Variants in SNX25 observed in about 807,000 individuals in gnomAD.
The protein encoded by SNX25 is sorting nexin 25.
SNX25 carries 62 observed loss-of-function variants against 113.7 expected under a neutral mutation model. That is an observed-to-expected ratio of 0.55 (90% CI 0.44 to 0.67). The LOEUF is 0.67. Among genes scored for constraint, SNX25 ranks in the 30% least tolerant of loss-of-function variants. SNX25 has a pLI of 0.00. For synonymous variants in SNX25, 421 were observed against 436.2 expected, an observed-to-expected ratio of 0.97 and a Z score of 0.43; for missense variants, 1,014 against 1,161.0, an observed-to-expected ratio of 0.87 and a Z score of 1.84.
intron 1 of SNX25, among the ~76,000 whole-genome samples, chr4:185,213,836 T>G (rs919307148): frequency 6.6e-6 from 1 of 152,238 alleles, no homozygotes; most frequent in African/African-American, 2.4e-5. Flanking sequence ...TTCTTACGTT[T>G]TGATGGTAAG....
intron 13 of SNX25, among the ~76,000 whole-genome samples, chr4:185,350,465 C>T (rs536924406): frequency 6.6e-6 from 1 of 152,192 alleles, no homozygotes; most frequent in Admixed American, 6.5e-5. Context: ...TACCATAGCA[C>T]TTGTACATAG....
intron 6 of SNX25, among the ~76,000 whole-genome samples, chr4:185,304,930 C>T (rs6846331): frequency 8.5e-5 from 13 of 152,126 alleles, no homozygotes; most frequent in African/African-American, 2.9e-4. Context: ...ACGAGAAGAC[C>T]TGAGCATCCT....
chr4:185,223,303 T>G (rs945283769), intron 1 of SNX25, among the ~76,000 whole-genome samples: 3 of 152,236 alleles, frequency 2.0e-5, no homozygotes, highest in Non-Finnish European at 4.4e-5. Flanking sequence ...ATCCTTTTAT[T>G]TTCTTCAGCT....
At chr4:185,319,077 CTTTATTTTATTTTA>C (rs1248719192) in intron 7 of SNX25, among the ~76,000 whole-genome samples, 2 of 137,928 alleles carry the variant, frequency 1.5e-5, no homozygotes, top group Non-Finnish European at 3.0e-5. Flanking sequence ...CACTTTTCCC[CTTTATTTTATTTTA>C]TTTTTTTTAT....
chr4:185,248,379 T>C (rs930158097), intron 2 of SNX25, among the ~76,000 whole-genome samples: 9 of 152,200 alleles, frequency 5.9e-5, no homozygotes, highest in African/African-American at 2.2e-4. Context: ...CAGGATTGGC[T>C]GGATGTGGTG....
intron 15 of SNX25, among the ~76,000 whole-genome samples, chr4:185,356,326 C>T (rs1225053225): frequency 6.6e-6 from 1 of 152,106 alleles, no homozygotes; most frequent in Non-Finnish European, 1.5e-5. Context: ...ACCCCTTGGT[C>T]GTCAGGCACT....
intron 1 of SNX25, among the ~76,000 whole-genome samples, chr4:185,221,156 C>T (rs958272098): frequency 6.6e-6 from 1 of 152,058 alleles, no homozygotes; most frequent in Non-Finnish European, 1.5e-5. Flanking sequence ...CTTCAGCCTC[C>T]CAAGTAGCTG....
At chr4:185,281,727 T>C (rs965191588) in intron 5 of SNX25, among the ~76,000 whole-genome samples, 4 of 152,260 alleles carry the variant, frequency 2.6e-5, no homozygotes, top group African/African-American at 7.2e-5. Flanking sequence ...TCTTATAAAA[T>C]TCTTTAAGCT....
chr4:185,342,117 G>A lies in SNX25; in HGVS notation c.2187+1G>A, dbSNP rs759754479. The A allele has an allele frequency of 1.3e-6, 2 of 1,586,462 alleles. No individual in the cohort carries two copies. Among genetic ancestry groups the A allele is most frequent in the Non-Finnish European group, 1.7e-6 (2 of 1,168,756 alleles). ...GAATTTACACCGGAAACTCAGTGAG[G>A]TATGAATACTCATGAACGCAGTATT... On this transcript the variant is annotated splice_donor_variant, in intron 12 of 18. Coordinates refer to ENST00000652585, the MANE Select transcript of SNX25 (RefSeq NM_001378034.2). LOFTEE classifies it high-confidence loss of function.
At chr4:185,228,063 A>T (rs1474869349) in intron 1 of SNX25, among the ~76,000 whole-genome samples, 1 of 152,116 alleles carries the variant, frequency 6.6e-6, no homozygotes, top group Non-Finnish European at 1.5e-5. Flanking sequence ...TGTGCCCCGG[A>T]CTTGGCAACT....
chr4:185,336,648 A>G (rs1255055808), intron 10 of SNX25, among the ~76,000 whole-genome samples: 1 of 152,198 alleles, frequency 6.6e-6, no homozygotes, highest in Non-Finnish European at 1.5e-5. Flanking sequence ...TCTTTTTTGT[A>G]TAATGACTTC....
chr4:185,235,183 C>T (rs1256968115), intron 1 of SNX25, among the ~76,000 whole-genome samples: 2 of 152,208 alleles, frequency 1.3e-5, no homozygotes, highest in African/African-American at 4.8e-5. Context: ...GCATGGTTGG[C>T]CTTTGGCCTG....
In SNX25 at chr4:185,363,320, A is replaced by G; in HGVS notation, c.2935-65A>G. On this transcript the variant is annotated intron_variant, in intron 18 of 18. Transcript: ENST00000652585. The surrounding 1 kb of genome is among the most constrained non-coding windows in gnomAD (Gnocchi z 4.2). ...TTAGACTTTTCTCTTAGATGCAGAT[A>G]TTTATTTTGAATAAACCCTTGGAGA... The G allele has an allele frequency of 1.3e-6, 2 of 1,499,186 alleles. No homozygotes were observed. The highest frequency in any genetic ancestry group is 1.8e-6 in the Non-Finnish European group (2 of 1,084,896). The allele number at this position is 1,499,186 out of a possible 1,614,324, so 92.9% of individuals were successfully genotyped here.
chr4:185,281,541 T>C (rs1232027733), intron 5 of SNX25, among the ~76,000 whole-genome samples: 3 of 152,204 alleles, frequency 2.0e-5, no homozygotes, highest in Non-Finnish European at 4.4e-5. Context: ...GCTCACATTC[T>C]TTACTACTCT....
At chr4:185,290,743 A>G (rs1579643517) in intron 6 of SNX25, among the ~76,000 whole-genome samples, 1 of 152,214 alleles carries the variant, frequency 6.6e-6, no homozygotes, top group Non-Finnish European at 1.5e-5. Flanking sequence ...TATTTTAAGT[A>G]TTAGTTTCTC....
chr4:185,270,578 G>A (rs1045829054), intron 5 of SNX25, among the ~76,000 whole-genome samples: 5 of 152,256 alleles, frequency 3.3e-5, no homozygotes, highest in South Asian at 2.1e-4. Context: ...GTACAATTCC[G>A]TGGTTTTAGT....
intron 1 of SNX25, among the ~76,000 whole-genome samples, chr4:185,234,990 G>A (rs3108279): frequency 0.65 from 98,540 of 152,048 alleles, 32,063 homozygotes; most frequent in East Asian, 0.76. Flanking sequence ...CTTTTGTCAT[G>A]GTAATAATAA....
chr4:185,280,660 T>C (rs1218647943), intron 5 of SNX25, among the ~76,000 whole-genome samples: 1 of 152,176 alleles, frequency 6.6e-6, no homozygotes, highest in Non-Finnish European at 1.5e-5. Flanking sequence ...GGAAACAATA[T>C]TTCTCCTAAG....
At chr4:185,261,758 A>C (rs1004141983) in intron 3 of SNX25, among the ~76,000 whole-genome samples, 2 of 152,150 alleles carry the variant, frequency 1.3e-5, no homozygotes, top group African/African-American at 4.8e-5. Flanking sequence ...GGGTAGATTT[A>C]TTTTACTGGC....
Sources: allele counts gnomAD v4.1 joint callset (sites outside exome capture counted in the v4.1 genomes callset), GRCh38; gene constraint gnomAD v4.1.1; non-coding constraint Gnocchi (gnomAD v3.1); transcripts MANE v1.5; gene names NCBI Gene and HGNC (gene_info 2026-07-23, HGNC 2026-07-21).